Variants in TRIQK observed in about 807,000 individuals in gnomAD.
TRIQK encodes triple QxxK/R motif containing, also known as triple QxxK/R motif-containing protein.
TRIQK carries 10 observed loss-of-function variants against 10.8 expected under a neutral mutation model. That is an observed-to-expected ratio of 0.92 (90% CI 0.57 to 1.57). The LOEUF (loss-of-function observed/expected upper bound fraction) is 1.57. Among genes scored for constraint, TRIQK ranks in the 40% most tolerant of loss-of-function variants. The pLI, the probability that TRIQK is intolerant of heterozygous loss-of-function variation, is 0.00. For synonymous variants in TRIQK, 33 were observed against 33.7 expected, an observed-to-expected ratio of 0.98 and a Z score of 0.07; for missense variants, 107 against 97.7, an observed-to-expected ratio of 1.09 and a Z score of -0.40.
intron 3 of TRIQK, among the ~76,000 whole-genome samples, chr8:92,900,256 A>G (rs1808854136): frequency 6.6e-6 from 1 of 152,062 alleles, no homozygotes; most frequent in Non-Finnish European, 1.5e-5. Flanking sequence ...AATATGATGT[A>G]ATCCCACTTC....
At chr8:92,993,286 C>A (rs886108667) in intron 1 of TRIQK, among the ~76,000 whole-genome samples, 1 of 152,172 alleles carries the variant, frequency 6.6e-6, no homozygotes, top group East Asian at 1.9e-4. Flanking sequence ...CAGACTTATC[C>A]CCATCATTCT....
chr8:92,936,309 G>A (rs981392493), intron 2 of TRIQK, among the ~76,000 whole-genome samples: 39 of 151,334 alleles, frequency 2.6e-4, no homozygotes, highest in African/African-American at 8.7e-4. Flanking sequence ...AAAATGAAAG[G>A]GCAATTTAAC....
At chr8:93,000,841 C>A in intron 1 of TRIQK, among the ~76,000 whole-genome samples, 2 of 133,914 alleles carry the variant, frequency 1.5e-5, no homozygotes, top group Non-Finnish European at 1.6e-5. Context: ...AGAATTAATT[C>A]AAAACATAGC....
chr8:93,009,978 G>A lies in TRIQK; in HGVS notation c.-181+7631C>T, dbSNP rs1180954224. Among the ~76,000 whole-genome samples, 4 of 152,232 alleles carry A rather than the reference G, an allele frequency of 2.6e-5. No homozygotes were observed. The East Asian group carries it at 7.7e-4, about 29-fold the overall frequency. On this transcript the variant is annotated intron_variant, in intron 1 of 4. Transcript: ENST00000520686. ...TCCTGTCCTTTGTAACAACATGGAT[G>A]AAGCTAAAGGACATTATGATAGTAA...
chr8:93,004,680 G>C (rs757226511), intron 1 of TRIQK, among the ~76,000 whole-genome samples: 1 of 152,136 alleles, frequency 6.6e-6, no homozygotes. Context: ...TAGCCTTTTA[G>C]AAGTAGCCAG....
intron 3 of TRIQK, among the ~76,000 whole-genome samples, chr8:92,892,416 T>A (rs1473292453): frequency 6.6e-6 from 1 of 151,934 alleles, no homozygotes; most frequent in Non-Finnish European, 1.5e-5. Context: ...ATATGTAAGA[T>A]CCTATTAACA....
At chr8:93,004,128 T>G (rs1813242324) in intron 1 of TRIQK, among the ~76,000 whole-genome samples, 1 of 152,226 alleles carries the variant, frequency 6.6e-6, no homozygotes, top group Non-Finnish European at 1.5e-5. Flanking sequence ...ATTTCTCCTC[T>G]GCACTGCCCT....
chr8:92,981,093 C>T (rs1468444863), intron 1 of TRIQK, among the ~76,000 whole-genome samples: 1 of 151,584 alleles, frequency 6.6e-6, no homozygotes, highest in Non-Finnish European at 1.5e-5. Flanking sequence ...ATCTTTTCTT[C>T]TTAATAAATT....
intron 1 of TRIQK, among the ~76,000 whole-genome samples, chr8:92,997,863 G>A (rs1813168260): frequency 6.6e-6 from 1 of 152,022 alleles, no homozygotes; most frequent in Non-Finnish European, 1.5e-5. Context: ...TTAATTTTAA[G>A]CACCTTTCAA....
At chr8:92,955,668 C>T (rs975899896) in intron 1 of TRIQK, among the ~76,000 whole-genome samples, 1 of 151,480 alleles carries the variant, frequency 6.6e-6, no homozygotes, top group African/African-American at 2.4e-5. Context: ...TACTTGCACA[C>T]CATATATATA....
intron 4 of TRIQK, among the ~76,000 whole-genome samples, chr8:92,891,658 T>G (rs1816770248): frequency 1.3e-5 from 2 of 151,896 alleles, no homozygotes; most frequent in East Asian, 3.9e-4. Flanking sequence ...TAAAATGAGA[T>G]TTATTGAAAA....
chr8:92,949,885 G>A (rs1334837305), intron 2 of TRIQK, among the ~76,000 whole-genome samples: 1 of 150,824 alleles, frequency 6.6e-6, no homozygotes, highest in Non-Finnish European at 1.5e-5. Flanking sequence ...AGGGAGGGAG[G>A]AAGGAAGGAA....
At chr8:92,943,928 T>C (rs1197665076) in intron 2 of TRIQK, among the ~76,000 whole-genome samples, 1 of 151,936 alleles carries the variant, frequency 6.6e-6, no homozygotes, top group Non-Finnish European at 1.5e-5. Context: ...TGGAAGAAAA[T>C]ATTTGTAAAC....
intron 3 of TRIQK, among the ~76,000 whole-genome samples, chr8:92,911,994 T>C (rs990629424): frequency 6.7e-6 from 1 of 150,302 alleles, no homozygotes; most frequent in African/African-American, 2.4e-5. Flanking sequence ...AATACCATAA[T>C]AGTAGTCAAA....
Position 92,886,673 on chromosome 8 carries a change from A to C in TRIQK, c.210T>G (p.Tyr70Ter), listed in dbSNP as rs944825950. Residue 70 changes from tyrosine to a stop codon, truncating the protein, a stop_gained, in exon 5 of 5, where the codon TAT becomes TAG. Coordinates refer to ENST00000521988, the MANE Select transcript of TRIQK (RefSeq NM_001171797.2). LOFTEE classifies it high-confidence loss of function. ...GGTCAACATCCGTGGTGAGTCTGAG[A>C]TAAAAGAAAGCATAGAAAGCCAGTA... ...ALLLAFYAFF[Y>*]LRLTTDVDPD... 2 of 1,532,660 alleles carry C rather than the reference A, an allele frequency of 1.3e-6. No individual in the cohort carries two copies. Among genetic ancestry groups the C allele is most frequent in the African/African-American group, 2.8e-5 (2 of 72,674 alleles). 94.9% of individuals were successfully genotyped at this position (1,532,660 alleles called of 1,614,324 possible). A position where few individuals can be genotyped will look rare whatever the true frequency, so the allele number is the denominator to read the frequency against.
At position 92,931,577 on chromosome 8, in the gene TRIQK, A is replaced by C. The variant is rs75296971; in HGVS notation, c.-21-14567T>G. ...AATTAAAATGGATCATAACAGAACA[A>C]AATAAGCATTTTGGTTAACGAATAA... On this transcript the variant is annotated intron_variant, in intron 2 of 4. Transcript: ENST00000521988. Among the ~76,000 whole-genome samples the C allele has an allele frequency of 3.7e-4, 56 of 152,354 alleles. No homozygotes were observed. In the East Asian group the frequency reaches 9.2e-3, roughly 25 times the overall value.
intron 2 of TRIQK, among the ~76,000 whole-genome samples, chr8:92,949,692 GAAA>G (rs763341303): frequency 1.2e-5 from 1 of 86,002 alleles, no homozygotes; most frequent in Non-Finnish European, 2.1e-5. Flanking sequence ...AAGAAAGAAA[GAAA>G]GAAAAGAGAA....
At chr8:92,918,978 A>G (rs1810022967) in intron 2 of TRIQK, among the ~76,000 whole-genome samples, 1 of 151,868 alleles carries the variant, frequency 6.6e-6, no homozygotes, top group Non-Finnish European at 1.5e-5. Context: ...TTAAAGAGAC[A>G]ATCGTTTCCC....
At chr8:92,918,900 A>G (rs181903160) in intron 2 of TRIQK, among the ~76,000 whole-genome samples, 1 of 151,740 alleles carries the variant, frequency 6.6e-6, no homozygotes, top group East Asian at 1.9e-4. Context: ...ATTTTTGTAT[A>G]TGATGAAAGA....
Sources: allele counts gnomAD v4.1 joint callset (sites outside exome capture counted in the v4.1 genomes callset), GRCh38; gene constraint gnomAD v4.1.1; transcripts MANE v1.5; gene names NCBI Gene and HGNC (gene_info 2026-07-23, HGNC 2026-07-21).